MPZL1: variants seen among roughly 807,000 people sequenced by gnomAD.
MPZL1 encodes the protein myelin protein zero-like protein 1.
A neutral mutation model predicts 29.3 loss-of-function variants in MPZL1; 16 were observed. That is an observed-to-expected ratio of 0.55 (90% CI 0.37 to 0.83). The LOEUF (loss-of-function observed/expected upper bound fraction) is 0.83, where lower values mean the gene tolerates loss of function less well. MPZL1 is among the 40% of genes least tolerant of loss of function. MPZL1 has a pLI of 0.00. For synonymous variants in MPZL1, 143 were observed against 132.0 expected (o/e 1.08, Z -0.57); for missense variants, 279 against 332.9 (o/e 0.84, Z 1.26).
At chr1:167,765,022 T>C (rs1257042842) in intron 1 of MPZL1, 2 of 152,126 alleles carry the variant, frequency 1.3e-5, no homozygotes, top group East Asian at 1.9e-4. Context: ...GCACAGGGGA[T>C]GCTTAGGGAG....
At chr1:167,734,222 C>G (rs1255158021) in intron 1 of MPZL1, among the ~76,000 whole-genome samples, 1 of 151,644 alleles carries the variant, frequency 6.6e-6, no homozygotes, top group Non-Finnish European at 1.5e-5. Context: ...CGCCACTGCA[C>G]TCCAGCCTGG....
In MPZL1 at chr1:167,722,100, G is replaced by A; in HGVS notation, c.-52G>A. 8.1e-7 allele frequency: 1 copy of A among 1,232,906 alleles called. No homozygotes were observed. The highest frequency in any genetic ancestry group is 4.1e-5 in the South Asian group (1 of 24,398). The allele number at this position is 1,232,906 out of a possible 1,614,324, so 76.4% of individuals were successfully genotyped here. A position where few individuals can be genotyped will look rare whatever the true frequency, so the allele number is the denominator to read the frequency against. ...CCCAAGCCGAGCCAACCTCAGCGGG[G>A]ACCCGGGCTCAGGGACGCGGCGGCG... On this transcript the variant is annotated 5_prime_UTR_variant, in exon 1 of 6. Transcript: ENST00000359523.
At chr1:167,737,767 A>T (rs1660405311) in intron 1 of MPZL1, among the ~76,000 whole-genome samples, 1 of 152,136 alleles carries the variant, frequency 6.6e-6, no homozygotes, top group Non-Finnish European at 1.5e-5. Flanking sequence ...TGACAATGAC[A>T]CTTTAGATAT....
intron 1 of MPZL1, among the ~76,000 whole-genome samples, chr1:167,753,395 G>T (rs1414275588): frequency 6.6e-6 from 1 of 152,226 alleles, no homozygotes; most frequent in Admixed American, 6.5e-5. Context: ...GCTTTTAAAT[G>T]TGTTTTCAAT....
chr1:167,776,121 C>T lies in MPZL1; in HGVS notation c.663C>T (p.Ser221=), dbSNP rs749835317. 1.4e-5 allele frequency: 22 copies of T among 1,612,670 alleles called. No individual in the cohort carries two copies. In the Admixed American group the frequency reaches 2.5e-4, roughly 18 times the overall value. The change falls in exon 5 of 6, where the codon TCC becomes TCT. Residue 221 remains serine (S), a synonymous_variant. Transcript: ENST00000359523. ...PVKQAPRKSP[S]DTEGLVKSLP... ...AGCAGGCTCCTCGGAAGTCCCCCTCCGACACTGAGGGTCTTGTAAAGAGTC... is the reference window on the plus strand; with the variant it reads ...AGCAGGCTCCTCGGAAGTCCCCCTCTGACACTGAGGGTCTTGTAAAGAGTC...
chr1:167,729,978 C>A (rs768974370), intron 1 of MPZL1, among the ~76,000 whole-genome samples: 2 of 152,172 alleles, frequency 1.3e-5, no homozygotes, highest in Non-Finnish European at 2.9e-5. Flanking sequence ...ATGTTTGCAA[C>A]CACCCTGCTG....
chr1:167,770,114 G>A (rs879573087), intron 2 of MPZL1, among the ~76,000 whole-genome samples: 2 of 152,186 alleles, frequency 1.3e-5, no homozygotes. Context: ...CTTAGGGGAC[G>A]CTATTGATGG....
intron 1 of MPZL1, among the ~76,000 whole-genome samples, chr1:167,734,413 G>C (rs1381255174): frequency 6.6e-6 from 1 of 152,108 alleles, no homozygotes; most frequent in Non-Finnish European, 1.5e-5. Context: ...AACTGTTAGA[G>C]CCCTTTCTAA....
At chr1:167,734,464 A>G (rs1442812001) in intron 1 of MPZL1, among the ~76,000 whole-genome samples, 2 of 152,134 alleles carry the variant, frequency 1.3e-5, no homozygotes, top group Non-Finnish European at 2.9e-5. Context: ...ATCTCTGATT[A>G]GTGGGCCCAT....
chr1:167,743,846 C>T (rs565696891), intron 1 of MPZL1, among the ~76,000 whole-genome samples: 1 of 152,152 alleles, frequency 6.6e-6, no homozygotes, highest in African/African-American at 2.4e-5. Context: ...GTCTTATCAT[C>T]AGCAAACAAC....
At chr1:167,752,305 G>A (rs1012498339) in intron 1 of MPZL1, among the ~76,000 whole-genome samples, 9 of 152,042 alleles carry the variant, frequency 5.9e-5, no homozygotes, top group African/African-American at 1.7e-4. Context: ...CTACTTCAGG[G>A]GGATGGTTTA....
chr1:167,748,712 TACTC>T (rs1660698624), intron 1 of MPZL1, among the ~76,000 whole-genome samples: 1 of 152,190 alleles, frequency 6.6e-6, no homozygotes, highest in Non-Finnish European at 1.5e-5. Flanking sequence ...TCACAGAGCT[TACTC>T]CTATGTTTTT....
intron 1 of MPZL1, among the ~76,000 whole-genome samples, chr1:167,758,888 CAGAG>C (rs1660924865): frequency 6.6e-6 from 1 of 152,282 alleles, no homozygotes; most frequent in African/African-American, 2.4e-5. Flanking sequence ...AACCGTTCCC[CAGAG>C]AGAAAGTAAG....
At chr1:167,758,885 C>A (rs985106299) in intron 1 of MPZL1, among the ~76,000 whole-genome samples, 2 of 152,162 alleles carry the variant, frequency 1.3e-5, no homozygotes, top group Non-Finnish European at 2.9e-5. Flanking sequence ...TAGAACCGTT[C>A]CCCAGAGAGA....
chr1:167,731,506 G>A (rs1321027209), intron 1 of MPZL1, among the ~76,000 whole-genome samples: 3 of 146,232 alleles, frequency 2.1e-5, no homozygotes, highest in East Asian at 4.1e-4. Flanking sequence ...GCGCGATCTC[G>A]GCTCACTGCA....
chr1:167,741,330 CTTT>C (rs57675541), intron 1 of MPZL1, among the ~76,000 whole-genome samples: 6 of 132,090 alleles, frequency 4.5e-5, no homozygotes, highest in Non-Finnish European at 6.4e-5. Context: ...CCTGCAGTCA[CTTT>C]TTTTTTTTTT....
chr1:167,787,995 A>G lies in MPZL1; in HGVS notation c.*74A>G, dbSNP rs1661624565. The G allele has an allele frequency of 7.9e-7, 1 of 1,267,924 alleles. No individual in the cohort carries two copies. The highest frequency in any genetic ancestry group is 1.5e-5 in the African/African-American group (1 of 68,042). 78.5% of individuals were successfully genotyped at this position (1,267,924 alleles called of 1,614,324 possible). ...TCTCGTGCAGAAAATGTAGCCCATT[A>G]CCACATGTAGCCTTGGAGACCCAGG... On this transcript the variant is annotated 3_prime_UTR_variant, in exon 6 of 6. Transcript: ENST00000359523.
rs750959095 is a variant in MPZL1, at chr1:167,773,289, G to T, written c.526G>T (p.Val176Phe). 1.9e-6 allele frequency: 3 copies of T among 1,613,462 alleles called. No individual in the cohort carries two copies. Among genetic ancestry groups the T allele is most frequent in the Non-Finnish European group, 1.7e-6 (2 of 1,179,550 alleles). ...WVVVGIVTAV[V>F]LGLTLLISMI... is the part of the protein sequence containing the mutation. Reference sequence around the variant, plus strand: ...AGTGGTGGGCATAGTTACTGCTGTGGTCCTAGGTCTCACTCTGCTCATCAG... The same window carrying T: ...AGTGGTGGGCATAGTTACTGCTGTGTTCCTAGGTCTCACTCTGCTCATCAG... Residue 176 changes from valine to phenylalanine, a missense_variant, in exon 4 of 6, where the codon GTC (valine) becomes TTC (phenylalanine). Val to Phe is a conservative substitution (Grantham distance 50, BLOSUM62 -1). Transcript: ENST00000359523.
intron 1 of MPZL1, among the ~76,000 whole-genome samples, chr1:167,763,445 G>A (rs1661032736): frequency 6.6e-6 from 1 of 151,668 alleles, no homozygotes; most frequent in African/African-American, 2.4e-5. Context: ...GAACCCAGGA[G>A]GCGGAGGTTG....
Sources: gnomAD v4.1 joint callset for allele counts (sites outside exome capture counted in the v4.1 genomes callset) on GRCh38, gnomAD v4.1.1 for gene constraint, MANE v1.5 for transcripts, NCBI Gene and HGNC (gene_info 2026-07-23, HGNC 2026-07-21) for gene names.